KCNN2: variants seen among roughly 807,000 people sequenced by gnomAD.
KCNN2 encodes the protein small conductance calcium-activated potassium channel protein 2.
In KCNN2, 24 loss-of-function variants were observed where a neutral mutation model predicts 55.5. The ratio of observed to expected loss-of-function variants is 0.43; its 90% confidence interval spans 0.31 to 0.61. KCNN2 has a LOEUF of 0.61. KCNN2 is among the 20% of genes least tolerant of loss of function. The pLI, the probability that KCNN2 is intolerant of heterozygous loss-of-function variation, is 0.08. For missense variants in KCNN2, 754 were observed against 853.6 expected (o/e 0.88, Z 1.45); for synonymous variants, 431 against 336.1 (o/e 1.28, Z -3.09).
intron 2 of KCNN2, among the ~76,000 whole-genome samples, chr5:114,256,856 C>T (rs1580666697): frequency 6.6e-6 from 1 of 151,982 alleles, no homozygotes; most frequent in Non-Finnish European, 1.5e-5. Context: ...TGTGCAGAAG[C>T]TTTAGTTTAA....
intron 1 of KCNN2, among the ~76,000 whole-genome samples, chr5:114,214,604 G>A (rs1032425204): frequency 6.6e-6 from 1 of 152,034 alleles, no homozygotes; most frequent in African/African-American, 2.4e-5. Context: ...AGAAGAGGTG[G>A]AGGACTCCCC....
rs540339733 is a variant in KCNN2 at position 114,152,610 on chromosome 5, G to A, written c.-270-68870G>A. ...TTCTATAACAGGCATTGTTTTCCAA[G>A]CTGGGATTATCATGGTGAGCAAAAA... On this transcript the variant is annotated intron_variant, in intron 1 of 10. Coordinates refer to the KCNN2 transcript ENST00000512097. 3.3e-5 allele frequency among the ~76,000 whole-genome samples: 5 copies of A among 152,252 alleles called. No homozygotes were observed. In the East Asian group the frequency reaches 9.7e-4, roughly 29 times the overall value.
At chr5:114,071,998 A>T (rs1376733344) in intron 1 of KCNN2, among the ~76,000 whole-genome samples, 1 of 152,174 alleles carries the variant, frequency 6.6e-6, no homozygotes, top group African/African-American at 2.4e-5. Context: ...GTTGGTTATA[A>T]AAGCAAGGTC....
At chr5:114,152,206 G>A (rs933803791) in intron 1 of KCNN2, among the ~76,000 whole-genome samples, 1 of 151,966 alleles carries the variant, frequency 6.6e-6, no homozygotes, top group Non-Finnish European at 1.5e-5. Context: ...TAGGGGAAAT[G>A]GTGCCCCACC....
intron 1 of KCNN2, among the ~76,000 whole-genome samples, chr5:114,159,969 G>C (rs932504520): frequency 7.9e-5 from 12 of 152,060 alleles, no homozygotes; most frequent in African/African-American, 2.9e-4. Flanking sequence ...TGGATTCATT[G>C]ATTTTTTGAG....
At chr5:114,065,887 T>C (rs1162430071) in intron 1 of KCNN2, among the ~76,000 whole-genome samples, 1 of 57,242 alleles carries the variant, frequency 1.7e-5, no homozygotes, top group African/African-American at 6.7e-5. Flanking sequence ...TTTTTTGCAA[T>C]GGGGAAAACA....
At chr5:114,249,542 C>T (rs369259037) in intron 2 of KCNN2, among the ~76,000 whole-genome samples, 113 of 152,114 alleles carry the variant, frequency 7.4e-4, no homozygotes, top group African/African-American at 2.7e-3. Context: ...CTGCCTCGGC[C>T]TCCCAAAGTG....
chr5:114,163,020 G>C (rs891326259), intron 1 of KCNN2, among the ~76,000 whole-genome samples: 2 of 152,116 alleles, frequency 1.3e-5, no homozygotes, highest in East Asian at 1.9e-4. Flanking sequence ...TGCACCCACT[G>C]TCTGGCAATC....
chr5:114,087,600 C>T, intron 1 of KCNN2, among the ~76,000 whole-genome samples: 1 of 152,052 alleles, frequency 6.6e-6, no homozygotes, highest in Middle Eastern at 3.4e-3. Flanking sequence ...TGTCATAGTT[C>T]ATTCTTATTT....
chr5:114,105,560 A>G (rs1395923581), intron 1 of KCNN2, among the ~76,000 whole-genome samples: 1 of 152,120 alleles, frequency 6.6e-6, no homozygotes, highest in Non-Finnish European at 1.5e-5. Context: ...GCTTCCATTT[A>G]TAACAATGTG....
At chr5:114,065,621 A>G (rs772445207) in intron 1 of KCNN2, among the ~76,000 whole-genome samples, 8 of 152,190 alleles carry the variant, frequency 5.3e-5, no homozygotes, top group Admixed American at 6.5e-5. Flanking sequence ...CCTTCTGATA[A>G]TCACACCAAA....
intron 1 of KCNN2, among the ~76,000 whole-genome samples, chr5:114,141,453 A>G (rs1253166532): frequency 6.6e-6 from 1 of 152,040 alleles, no homozygotes. Flanking sequence ...CCTACAAAGG[A>G]CATGAACTCA....
At chr5:114,417,035 A>G (rs534332788) in intron 3 of KCNN2, among the ~76,000 whole-genome samples, 1 of 152,360 alleles carries the variant, frequency 6.6e-6, no homozygotes, top group South Asian at 2.1e-4. Context: ...GCATATGTGG[A>G]GAATCATCCT....
At chr5:114,182,647 T>C (rs1053761798) in intron 1 of KCNN2, among the ~76,000 whole-genome samples, 1 of 152,162 alleles carries the variant, frequency 6.6e-6, no homozygotes, top group South Asian at 2.1e-4. Context: ...TAAGTAGAAC[T>C]ATTTTTCTAA....
At chr5:114,251,639 G>T (rs979412986) in intron 2 of KCNN2, among the ~76,000 whole-genome samples, 4 of 152,018 alleles carry the variant, frequency 2.6e-5, no homozygotes, top group Non-Finnish European at 5.9e-5. Context: ...TGAAATAAAG[G>T]AACTATGCAC....
chr5:114,484,419 A>G (rs1426714547), intron 5 of KCNN2, among the ~76,000 whole-genome samples: 1 of 152,214 alleles, frequency 6.6e-6, no homozygotes. Context: ...TCATTACTAC[A>G]CAATGTATTC....
chr5:114,389,799 T>C (rs1236619447), intron 2 of KCNN2, among the ~76,000 whole-genome samples: 1 of 152,142 alleles, frequency 6.6e-6, no homozygotes, highest in African/African-American at 2.4e-5. Context: ...AAGCAGGAGG[T>C]CATCTAAGAC....
intron 1 of KCNN2, among the ~76,000 whole-genome samples, chr5:114,110,835 C>G (rs1351095215): frequency 6.6e-6 from 1 of 151,998 alleles, no homozygotes; most frequent in Non-Finnish European, 1.5e-5. Flanking sequence ...GGATCTCTGT[C>G]CATTCATTTG....
At chr5:114,273,898 G>C (rs1755425657) in intron 2 of KCNN2, among the ~76,000 whole-genome samples, 1 of 152,140 alleles carries the variant, frequency 6.6e-6, no homozygotes, top group Non-Finnish European at 1.5e-5. Flanking sequence ...ATTGCTTTTG[G>C]TGTTTTAGAC....
Sources: allele counts gnomAD v4.1 joint callset (sites outside exome capture counted in the v4.1 genomes callset), GRCh38; gene constraint gnomAD v4.1.1; transcripts MANE v1.5; gene names NCBI Gene and HGNC (gene_info 2026-07-23, HGNC 2026-07-21).